PSME4: variants seen among roughly 807,000 people sequenced by gnomAD.
PSME4 encodes the protein proteasome activator subunit 4.
Under a neutral mutation model 253.9 loss-of-function variants are expected in PSME4, and 89 were observed. That is an observed-to-expected ratio of 0.35 (90% CI 0.30 to 0.42). The LOEUF (loss-of-function observed/expected upper bound fraction) is 0.42, where lower values mean the gene tolerates loss of function less well. PSME4 is among the 10% of genes least tolerant of loss of function. The probability of loss-of-function intolerance (pLI) is 1.00; values close to 1 mark genes in which losing one functional copy is unlikely to be tolerated. For synonymous variants in PSME4, 851 were observed against 759.2 expected (o/e 1.12, Z -1.99); for missense variants, 2,014 against 2,195.2 (o/e 0.92, Z 1.65).
intron 20 of PSME4, among the ~76,000 whole-genome samples, chr2:53,912,076 A>C (rs990466366): frequency 3.3e-5 from 5 of 152,234 alleles, no homozygotes; most frequent in African/African-American, 1.2e-4. Flanking sequence ...GACTTTTAAA[A>C]CTTGGATTAA....
At chr2:53,938,581 A>G (rs923459111) in intron 4 of PSME4, among the ~76,000 whole-genome samples, 8 of 151,516 alleles carry the variant, frequency 5.3e-5, no homozygotes, top group Non-Finnish European at 1.0e-4. Flanking sequence ...AGTAGCTGCT[A>G]CTACAGGAGA....
intron 41 of PSME4, among the ~76,000 whole-genome samples, chr2:53,885,309 C>T (rs1051350814): frequency 6.6e-6 from 1 of 152,138 alleles, no homozygotes; most frequent in East Asian, 1.9e-4. Flanking sequence ...AAAACAAACA[C>T]AATATACTGA....
intron 38 of PSME4, chr2:53,888,350 C>G: frequency 4.3e-6 from 1 of 232,814 alleles, no homozygotes; most frequent in Non-Finnish European, 8.3e-6. Context: ...CCATATGCCC[C>G]AAACAAGGCA....
chr2:53,934,064 C>T (rs894814909), intron 8 of PSME4, among the ~76,000 whole-genome samples: 4 of 152,080 alleles, frequency 2.6e-5, no homozygotes, highest in Non-Finnish European at 5.9e-5. Context: ...GAATGATAAA[C>T]TAGATAATTA....
intron 44 of PSME4, among the ~76,000 whole-genome samples, chr2:53,868,563 TAATA>T (rs1459867065): frequency 4.9e-5 from 4 of 81,800 alleles, no homozygotes; most frequent in Middle Eastern, 0.011. Context: ...ATAATATATA[TAATA>T]TATATTATAA....
At position 53,895,644 on chromosome 2, in the gene PSME4, T is replaced by C. The variant is rs550418250; in HGVS notation, c.3781A>G (p.Lys1261Glu). The C allele has an allele frequency of 1.2e-6, 2 of 1,613,708 alleles. No homozygotes were observed. The highest frequency in any genetic ancestry group is 1.7e-5 in the Admixed American group (1 of 59,882). Residue 1261 changes from lysine (K) to glutamate (E), a missense_variant, in exon 33 of 47, where the codon AAA becomes GAA. By Grantham distance (56) the Lys-to-Glu change is moderately conservative (BLOSUM62 1). This residue lies in a region of PSME4 where 989 missense variants were observed against 1,021.1 expected (regional missense o/e 0.97). Coordinates refer to ENST00000404125, the MANE Select transcript of PSME4 (RefSeq NM_014614.3). ...ACAAAGCAACTTGACTCCCATTCTTTTTTAGTTCTTGGTATAGTTTTGCTG... is the reference window on the plus strand; with the variant it reads ...ACAAAGCAACTTGACTCCCATTCTTCTTTAGTTCTTGGTATAGTTTTGCTG... The part of the protein sequence containing the change: ...YDSKTIPRTK[K>E]EWESSCFVEK...
At chr2:53,884,433 T>A (rs1395036057) in intron 41 of PSME4, among the ~76,000 whole-genome samples, 5 of 152,136 alleles carry the variant, frequency 3.3e-5, no homozygotes, top group Admixed American at 6.5e-5. Flanking sequence ...ATGGTCTCGA[T>A]CTCTTGACCT....
At chr2:53,935,236 T>C (rs935055012) in intron 7 of PSME4, among the ~76,000 whole-genome samples, 2 of 152,246 alleles carry the variant, frequency 1.3e-5, no homozygotes, top group African/African-American at 2.4e-5. Flanking sequence ...TTAACAATTA[T>C]AATAAAATTA....
rs5831284 is a variant in PSME4, at chr2:53,943,846, CAA to C, written c.501-3848_501-3847del. 2.7e-3 allele frequency among the ~76,000 whole-genome samples: 222 copies of C among 81,314 alleles called. 2 individuals carry two copies. Among genetic ancestry groups the C allele is most frequent in the South Asian group, 0.014 (33 of 2,428 alleles). The allele number at this position is 81,314 out of a possible 152,430, so 53.3% of individuals were successfully genotyped here. ...AACAACAGCAAAAAAAACTCCATCT[CAA>C]AAAAAAAAAAAAAAAAAAAGGTATA... On this transcript the variant is annotated intron_variant, in intron 3 of 46. Transcript: ENST00000404125.
intron 1 of PSME4, 65 bp from the exon 2 acceptor site, chr2:53,949,348 G>A (rs1669869225): frequency 9.3e-7 from 1 of 1,077,886 alleles, no homozygotes; most frequent in Admixed American, 3.0e-5. Flanking sequence ...GTTCAATGCA[G>A]CATTATCCAT....
At chr2:53,934,882 C>T (rs1337276896) in intron 7 of PSME4, among the ~76,000 whole-genome samples, 155 bp from the exon 8 acceptor site, 2 of 152,110 alleles carry the variant, frequency 1.3e-5, no homozygotes, top group African/African-American at 4.8e-5. Context: ...TTGCTTTATT[C>T]TTCAAAAATT....
chr2:53,893,184 G>C (rs1679988573), intron 35 of PSME4, among the ~76,000 whole-genome samples: 1 of 152,000 alleles, frequency 6.6e-6, no homozygotes, highest in Non-Finnish European at 1.5e-5. Context: ...ATCTCTCTAA[G>C]TATCACACCT....
intron 20 of PSME4, among the ~76,000 whole-genome samples, chr2:53,918,893 C>T (rs1192370063): frequency 2.0e-5 from 3 of 152,084 alleles, no homozygotes; most frequent in Non-Finnish European, 4.4e-5. Context: ...AACTAAGAGA[C>T]TAACTTAATA....
rs186875244 is a variant in PSME4 at position 53,897,262 on chromosome 2, C to G, written c.3607-377G>C. Among the ~76,000 whole-genome samples, 413 of 151,974 alleles carry G rather than the reference C, an allele frequency of 2.7e-3. 3 individuals carry two copies. The highest frequency in any genetic ancestry group is 9.6e-3 in the African/African-American group (399 of 41,426). On this transcript the variant is annotated intron_variant, in intron 31 of 46. Coordinates refer to ENST00000404125, the MANE Select transcript of PSME4 (RefSeq NM_014614.3). ...TCAGCTCACTGCAACCTCCCCCTCC[C>G]GGGTTCAAGCGATTCTACTGCCTCA...
intron 3 of PSME4, among the ~76,000 whole-genome samples, chr2:53,941,727 G>T (rs558167179): frequency 3.3e-5 from 5 of 152,084 alleles, no homozygotes; most frequent in African/African-American, 1.2e-4. Flanking sequence ...ATTTTTAAAA[G>T]GTAATTCTAA....
chr2:53,890,355 G>T, intron 36 of PSME4, 147 bp from the exon 37 acceptor site: 3 of 610,580 alleles, frequency 4.9e-6, no homozygotes, highest in Non-Finnish European at 8.6e-6. Flanking sequence ...TGCCCAGGCT[G>T]GAGTGCAGTG....
intron 3 of PSME4, among the ~76,000 whole-genome samples, chr2:53,947,664 C>T (rs940311199): frequency 3.9e-5 from 6 of 151,964 alleles, no homozygotes; most frequent in Non-Finnish European, 8.8e-5. Context: ...TGAGATCGCA[C>T]CACTGCACTC....
In PSME4 at chr2:53,895,574, G is replaced by T. The variant is rs140569881; in HGVS notation, c.3842+9C>A. On this transcript the variant is annotated intron_variant, in intron 33 of 46. Transcript: ENST00000404125. ...CATTTAATGATAAGGTGCACAGTAA[G>T]TTACTTACTTTGGCCAGGTGTAGTA... The T allele has an allele frequency of 6.8e-3, 10,885 of 1,603,500 alleles. 56 individuals carry two copies. The highest frequency in any genetic ancestry group is 7.8e-3 in the Non-Finnish European group (9,181 of 1,176,080).
chr2:53,891,148 T>C (rs1247671674), intron 36 of PSME4, among the ~76,000 whole-genome samples: 6 of 152,244 alleles, frequency 3.9e-5, no homozygotes, highest in Admixed American at 3.3e-4. Context: ...GATCATTTGA[T>C]TAAACCTTAA....
Sources: gnomAD v4.1 joint callset for allele counts (sites outside exome capture counted in the v4.1 genomes callset) on GRCh38, gnomAD v4.1.1 for gene constraint, gnomAD v4.1.1 regional missense constraint, MANE v1.5 for transcripts, NCBI Gene and HGNC (gene_info 2026-07-23, HGNC 2026-07-21) for gene names.